Variants in ETV4 observed in about 807,000 individuals in gnomAD.
ETV4 encodes ETS variant transcription factor 4.
A neutral mutation model predicts 65.9 loss-of-function variants in ETV4; 42 were observed. The ratio of observed to expected loss-of-function variants is 0.64; its 90% confidence interval spans 0.50 to 0.82. The LOEUF (loss-of-function observed/expected upper bound fraction) is 0.82, where lower values mean the gene tolerates loss of function less well. ETV4 is among the 40% of genes least tolerant of loss of function. The probability of loss-of-function intolerance (pLI) is 0.00; values close to 1 mark genes in which losing one functional copy is unlikely to be tolerated. For missense variants in ETV4, 583 were observed against 630.3 expected (o/e 0.92, Z 0.80); for synonymous variants, 238 against 260.0 (o/e 0.92, Z 0.81).
intron 7 of ETV4, 93 bp from the exon 8 acceptor site, chr17:43,533,032 G>A (rs1005200759): frequency 2.0e-6 from 3 of 1,503,988 alleles, no homozygotes; most frequent in Non-Finnish European, 2.7e-6. Context: ...GTGGGCTCCG[G>A]AATGGGGGGT....
In ETV4 at chr17:43,545,582, C is replaced by T. The variant is rs1971776384; in HGVS notation, c.36G>A (p.Gln12=). ...ERRMKAGYLD[Q]QVPYTFSSKS... ...CGCTGCTGAAGGTGTAGGGCACTTG[C>T]TGGTCCAAGTATCCGGCTTTCATCC... is the stretch of plus-strand genomic sequence containing the variant. The change falls in exon 2 of 13, where the codon CAG becomes CAA. Residue 12 remains glutamine (Q), a synonymous_variant. Transcript: ENST00000319349. 3 of 1,550,690 alleles carry T rather than the reference C, an allele frequency of 1.9e-6. No individual in the cohort carries two copies. Among genetic ancestry groups the T allele is most frequent in the Admixed American group, 3.9e-5 (2 of 51,026 alleles).
At chr17:43,541,180 C>T (rs540894149) in intron 4 of ETV4, among the ~76,000 whole-genome samples, 1 of 152,214 alleles carries the variant, frequency 6.6e-6, no homozygotes, top group African/African-American at 2.4e-5. Flanking sequence ...GCCCCTCCCC[C>T]AAACACTGGC....
At chr17:43,536,310 C>G in intron 5 of ETV4, 116 bp downstream of exon 5, 2 of 917,034 alleles carry the variant, frequency 2.2e-6, no homozygotes, top group Non-Finnish European at 3.5e-6. Flanking sequence ...TCTTTAAGAT[C>G]AAACCCCACT....
chr17:43,538,791 C>T (rs112819304), intron 4 of ETV4, among the ~76,000 whole-genome samples: 116 of 152,132 alleles, frequency 7.6e-4, no homozygotes, highest in African/African-American at 2.7e-3. Flanking sequence ...ACCTGTAGCC[C>T]GAGGAGGCTG....
chr17:43,529,069 T>C (rs1402854789), intron 12 of ETV4, 66 bp downstream of exon 12: 1 of 1,450,888 alleles, frequency 6.9e-7, no homozygotes, highest in Admixed American at 1.7e-5. Context: ...CTGCTGACCC[T>C]CTCCCCAGTC....
chr17:43,529,490 T>G lies in ETV4; in HGVS notation c.1128+14A>C. The G allele has an allele frequency of 1.3e-6, 2 of 1,598,684 alleles. No individual in the cohort carries two copies. Among genetic ancestry groups the G allele is most frequent in the Non-Finnish European group, 8.5e-7 (1 of 1,170,704 alleles). The stretch of plus-strand genomic sequence containing the variant: ...ACTTTGGAAAGGAGGGCTGGGAACA[T>G]CCGAGAGGCCCACCTCCTCAGGCTC... On this transcript the variant is annotated intron_variant, in intron 11 of 12. Transcript: ENST00000319349.
Position 43,530,104 on chromosome 17 carries a change from T to C in ETV4, c.886+3A>G, listed in dbSNP as rs1970827304. The C allele has an allele frequency of 6.3e-7, 1 of 1,595,726 alleles. No homozygotes were observed. Among genetic ancestry groups the C allele is most frequent in the Non-Finnish European group, 8.5e-7 (1 of 1,170,700 alleles). On this transcript the variant is annotated splice_donor_region_variant and intron_variant, in intron 9 of 12. Transcript: ENST00000319349. Reference sequence around the variant, plus strand: ...CTTGGCAGGGGAAGGGGGGCTGCCTTACCCATGGCCCCGTCACCTGGAGAG... The same window carrying C: ...CTTGGCAGGGGAAGGGGGGCTGCCTCACCCATGGCCCCGTCACCTGGAGAG...
At chr17:43,545,716 G>T in intron 1 of ETV4, 48 bp from the exon 2 acceptor site, 2 of 969,444 alleles carry the variant, frequency 2.1e-6, no homozygotes, top group Non-Finnish European at 3.1e-6. Context: ...GGAGGGCTGC[G>T]ATGGGGGCGG....
chr17:43,529,422 C>G, intron 11 of ETV4, 82 bp downstream of exon 11: 18 of 1,499,616 alleles, frequency 1.2e-5, no homozygotes, highest in Non-Finnish European at 1.6e-5. Flanking sequence ...ATGATGGAGG[C>G]ACGTGCCACC....
At chr17:43,537,103 C>T (rs888507927) in intron 4 of ETV4, among the ~76,000 whole-genome samples, 2 of 152,186 alleles carry the variant, frequency 1.3e-5, no homozygotes, top group Non-Finnish European at 2.9e-5. Flanking sequence ...TGGTGGCTCA[C>T]GCCTATAATC....
chr17:43,539,394 G>C (rs1971406974), intron 4 of ETV4, among the ~76,000 whole-genome samples: 1 of 152,090 alleles, frequency 6.6e-6, no homozygotes, highest in Non-Finnish European at 1.5e-5. Flanking sequence ...CTAAACCAAA[G>C]TGGTTCCTCC....
At chr17:43,539,401 C>T (rs1971407616) in intron 4 of ETV4, among the ~76,000 whole-genome samples, 2 of 152,198 alleles carry the variant, frequency 1.3e-5, no homozygotes, top group Non-Finnish European at 2.9e-5. Flanking sequence ...AAAGTGGTTC[C>T]TCCTGGCTCT....
chr17:43,529,982 T>C (rs372672077), intron 9 of ETV4, 30 bp from the exon 10 acceptor site: 4 of 1,613,828 alleles, frequency 2.5e-6, no homozygotes, highest in Non-Finnish European at 3.4e-6. Flanking sequence ...GTTGCTCAGA[T>C]CTGGGGGTTC....
At chr17:43,546,097 G>A (rs929915560) in intron 1 of ETV4, 88 bp downstream of exon 1, 6 of 192,344 alleles carry the variant, frequency 3.1e-5, no homozygotes, top group South Asian at 1.8e-4. Context: ...ATCTGCGGAG[G>A]CGGGTGGTGA....
Position 43,532,680 on chromosome 17 carries a change from C to T in ETV4, c.805G>A (p.Asp269Asn), listed in dbSNP as rs770730900. Reference protein sequence around the residue: ...IKQEQTDFAYDSDVTGCASMY... With the variant: ...IKQEQTDFAYNSDVTGCASMY... ...CCCCACCCCAGTCTCTTACCTGAGT[C>T]GTAGGCGAAGTCCGTCTGTTCCTGT... Residue 269 changes from aspartate (D) to asparagine (N), a missense_variant, in exon 8 of 13, where the codon GAC (aspartate) becomes AAC (asparagine). Transcript: ENST00000319349. The T allele has an allele frequency of 2.2e-5, 35 of 1,611,462 alleles. No homozygotes were observed. The Admixed American group carries it at 2.7e-4, about 12-fold the overall frequency.
intron 8 of ETV4, among the ~76,000 whole-genome samples, chr17:43,532,377 T>C (rs1002594323): frequency 2.0e-5 from 3 of 151,938 alleles, no homozygotes; most frequent in African/African-American, 7.3e-5. Context: ...CTGGTGCCTG[T>C]AATCCCAGGT....
rs1429701222 is a variant in ETV4 at position 43,529,977 on chromosome 17, T to C, written c.887-25A>G. The C allele has an allele frequency of 3.1e-6, 5 of 1,613,956 alleles. No individual in the cohort carries two copies. The East Asian group carries it at 6.7e-5, about 22-fold the overall frequency. On this transcript the variant is annotated intron_variant, in intron 9 of 12. Transcript: ENST00000319349. ...CCTTGTGGAGGAAATTGGGGGTTGC[T>C]CAGATCTGGGGGTTCACCGATGAGA...
chr17:43,529,429 C>A (rs973190528), intron 11 of ETV4, 75 bp downstream of exon 11: 1 of 1,530,450 alleles, frequency 6.5e-7, no homozygotes, highest in Non-Finnish European at 8.9e-7. Context: ...AGGCACGTGC[C>A]ACCATTTCCC....
Position 43,545,327 on chromosome 17 carries a change from CCGATCAG to C in ETV4, c.94_100del (p.Leu32AlafsTer24), listed in dbSNP as rs768658984. 56 of 1,608,308 alleles carry C rather than the reference CCGATCAG, an allele frequency of 3.5e-5. No individual in the cohort carries two copies. Among genetic ancestry groups the C allele is most frequent in the Non-Finnish European group, 4.3e-5 (51 of 1,177,378 alleles). Reference sequence around the variant, plus strand: ...CGGGTCCATGAGCTTCCCCAGCGGGCCGATCAGCGCTTCGCGCAAGCTCCCATTTCCG... The same window carrying C: ...CGGGTCCATGAGCTTCCCCAGCGGGCCGCTTCGCGCAAGCTCCCATTTCCG... On this transcript the variant is annotated frameshift_variant, in exon 3 of 13. Transcript: ENST00000319349. LOFTEE classifies it high-confidence loss of function.
Sources: gnomAD v4.1 joint callset for allele counts (sites outside exome capture counted in the v4.1 genomes callset) on GRCh38, gnomAD v4.1.1 for gene constraint, MANE v1.5 for transcripts, NCBI Gene and HGNC (gene_info 2026-07-23, HGNC 2026-07-21) for gene names.